Variants in ROBO2 observed in about 807,000 individuals in gnomAD.
ROBO2 encodes the protein roundabout homolog 2.
A neutral mutation model predicts 160.8 loss-of-function variants in ROBO2; 53 were observed. The ratio of observed to expected loss-of-function variants is 0.33; its 90% CI spans 0.26 to 0.41. The LOEUF (loss-of-function observed/expected upper bound fraction) is 0.41, where lower values mean the gene tolerates loss of function less well. Among genes scored for constraint, ROBO2 ranks in the 10% least tolerant of loss-of-function variants. The probability of loss-of-function intolerance (pLI) is 1.00; values close to 1 mark genes in which losing one functional copy is unlikely to be tolerated. For synonymous variants in ROBO2, 664 were observed against 611.7 expected, an observed-to-expected ratio of 1.09 and a Z score of -1.26; for missense variants, 1,577 against 1,722.4, an observed-to-expected ratio of 0.92 and a Z score of 1.49.
At chr3:76,167,637 T>C (rs1225398876) in intron 2 of ROBO2, among the ~76,000 whole-genome samples, 1 of 152,222 alleles carries the variant, frequency 6.6e-6, no homozygotes, top group East Asian at 1.9e-4. Flanking sequence ...ACTTCAGTTA[T>C]AAGTTAGCAC....
intron 5 of ROBO2, among the ~76,000 whole-genome samples, chr3:77,504,125 G>T (rs1053960464): frequency 1.3e-5 from 2 of 152,126 alleles, no homozygotes; most frequent in African/African-American, 4.8e-5. Context: ...GAAATTAGAA[G>T]TCCCTCTGAG....
At chr3:77,354,383 T>C (rs550706562) in intron 2 of ROBO2, among the ~76,000 whole-genome samples, 8 of 152,216 alleles carry the variant, frequency 5.3e-5, no homozygotes, top group Non-Finnish European at 1.2e-4. Context: ...CTTTGTTAAT[T>C]TTCCTTTGCC....
intron 2 of ROBO2, among the ~76,000 whole-genome samples, chr3:76,614,826 A>G (rs1157205617): frequency 6.6e-6 from 1 of 152,144 alleles, no homozygotes; most frequent in Non-Finnish European, 1.5e-5. Context: ...GTACTAAATA[A>G]CGGCTTGTTT....
At chr3:76,713,966 A>C (rs2093340668) in intron 2 of ROBO2, among the ~76,000 whole-genome samples, 1 of 151,946 alleles carries the variant, frequency 6.6e-6, no homozygotes. Flanking sequence ...TAAAAGTAAA[A>C]AAAAAAATGA....
rs1051942264 is a variant in ROBO2 at position 76,566,732 on chromosome 3, G to A, written c.110-531282G>A. On this transcript the variant is annotated intron_variant, in intron 2 of 26. Coordinates refer to the ROBO2 transcript ENST00000487694. ...ATAGAGTGAGGGAAAGAAGGGTGGA[G>A]AGGAAGAGAAGTGGGAAGAAAGAAG... 9.9e-5 allele frequency among the ~76,000 whole-genome samples: 15 copies of A among 152,128 alleles called. 1 individual carries two copies. The highest frequency in any genetic ancestry group is 2.1e-4 in the South Asian group (1 of 4,818).
intron 2 of ROBO2, among the ~76,000 whole-genome samples, chr3:77,438,248 G>A (rs1182410157): frequency 2.0e-5 from 3 of 151,658 alleles, no homozygotes; most frequent in African/African-American, 4.8e-5. Context: ...TTGATAGATA[G>A]ATAGATGACA....
rs569175064 is a variant in ROBO2, at chr3:76,735,723, A to C, written c.110-362291A>C. ...AATGCAGTGAGCAGAGATCACGTAC[A>C]GCTTCAGCCCAGGGTGACGGAGGGA... On this transcript the variant is annotated intron_variant, in intron 2 of 26. Coordinates refer to the ROBO2 transcript ENST00000487694. 2.1e-5 allele frequency among the ~76,000 whole-genome samples: 3 copies of C among 141,540 alleles called. No homozygotes were observed. In the East Asian group the frequency reaches 6.7e-4, roughly 31 times the overall value. The allele number at this position is 141,540 out of a possible 152,430, so 92.9% of individuals were successfully genotyped here. A position where few individuals can be genotyped will look rare whatever the true frequency, so the allele number is the denominator to read the frequency against.
chr3:77,499,822 T>C (rs142174324), intron 5 of ROBO2, among the ~76,000 whole-genome samples: 2,557 of 152,056 alleles, frequency 0.017, 36 homozygotes, highest in Non-Finnish European at 0.025. Context: ...CTAATTTTTG[T>C]ATTTTTGGTA....
intron 2 of ROBO2, among the ~76,000 whole-genome samples, chr3:76,953,011 CA>C (rs1368464268): frequency 6.6e-6 from 1 of 152,112 alleles, no homozygotes; most frequent in Non-Finnish European, 1.5e-5. Context: ...ACCATTCTGA[CA>C]AAAATCATGA....
chr3:76,221,731 TCATG>T (rs1703981673), intron 2 of ROBO2, among the ~76,000 whole-genome samples: 1 of 152,178 alleles, frequency 6.6e-6, no homozygotes, highest in Non-Finnish European at 1.5e-5. Flanking sequence ...CCGATGGACT[TCATG>T]ACCATGAGCC....
At chr3:76,303,711 A>G (rs912829296) in intron 2 of ROBO2, among the ~76,000 whole-genome samples, 2 of 152,250 alleles carry the variant, frequency 1.3e-5, no homozygotes, top group Non-Finnish European at 2.9e-5. Flanking sequence ...CCAATAAGAT[A>G]TATAAGCCTC....
intron 2 of ROBO2, among the ~76,000 whole-genome samples, chr3:76,400,162 A>C (rs2077730357): frequency 6.6e-6 from 1 of 151,674 alleles, no homozygotes; most frequent in Non-Finnish European, 1.5e-5. Flanking sequence ...TGCACTTGGA[A>C]AACATTCTGG....
intron 21 of ROBO2, among the ~76,000 whole-genome samples, chr3:77,610,476 A>C (rs1419213469): frequency 6.6e-6 from 1 of 152,110 alleles, no homozygotes; most frequent in Non-Finnish European, 1.5e-5. Context: ...GGGCAATCAT[A>C]TATACCAGGG....
At chr3:77,016,871 C>T (rs987469067) in intron 2 of ROBO2, among the ~76,000 whole-genome samples, 10 of 152,102 alleles carry the variant, frequency 6.6e-5, no homozygotes, top group African/African-American at 2.4e-4. Flanking sequence ...TAACTTAGTT[C>T]TATATGTACG....
intron 2 of ROBO2, among the ~76,000 whole-genome samples, chr3:76,898,968 T>G (rs1384041737): frequency 6.6e-6 from 1 of 152,112 alleles, no homozygotes; most frequent in South Asian, 2.1e-4. Flanking sequence ...TTCCTTTATG[T>G]GACAGTGGAG....
At chr3:76,920,151 T>G (rs2076570094) in intron 2 of ROBO2, among the ~76,000 whole-genome samples, 2 of 150,984 alleles carry the variant, frequency 1.3e-5, no homozygotes, top group Admixed American at 1.3e-4. Context: ...TTATTTTTTC[T>G]GTGACTTAAT....
chr3:77,328,665 T>G (rs995969707), intron 2 of ROBO2, among the ~76,000 whole-genome samples: 1 of 152,208 alleles, frequency 6.6e-6, no homozygotes, highest in African/African-American at 2.4e-5. Flanking sequence ...GAGATAGATA[T>G]AGTTCAGAAC....
intron 2 of ROBO2, among the ~76,000 whole-genome samples, chr3:76,206,016 CAA>C (rs925584422): frequency 6.6e-5 from 10 of 152,116 alleles, no homozygotes; most frequent in African/African-American, 2.4e-4. Flanking sequence ...AATGTCAAAA[CAA>C]AGAGAGAGAG....
intron 6 of ROBO2, among the ~76,000 whole-genome samples, chr3:77,525,241 T>G (rs1405900155): frequency 2.3e-4 from 2 of 8,614 alleles, no homozygotes; most frequent in East Asian, 0.011. Flanking sequence ...ACCTGCTGTT[T>G]TTTTTTTTTT....
Sources: allele counts gnomAD v4.1 joint callset (sites outside exome capture counted in the v4.1 genomes callset), GRCh38; gene constraint gnomAD v4.1.1; transcripts MANE v1.5; gene names NCBI Gene and HGNC (gene_info 2026-07-23, HGNC 2026-07-21).